Variants in LEPR observed in about 807,000 individuals in gnomAD.
The protein encoded by LEPR is OB receptor.
LEPR carries 56 observed loss-of-function variants against 114.7 expected under a neutral mutation model. The ratio of observed to expected loss-of-function variants is 0.49; its 90% CI spans 0.39 to 0.61. The LOEUF (loss-of-function observed/expected upper bound fraction) is 0.61. Ranked by LOEUF, LEPR falls within the 20% of genes least tolerant of loss-of-function variation. The probability of loss-of-function intolerance (pLI) is 0.00; values close to 1 mark genes in which losing one functional copy is unlikely to be tolerated. For missense variants in LEPR, 1,202 were observed against 1,352.9 expected (o/e 0.89, Z 1.75); for synonymous variants, 443 against 461.4 (o/e 0.96, Z 0.51).
chr1:65,592,919 AG>A, intron 6 of LEPR, 54 bp downstream of exon 6: 1 of 1,591,836 alleles, frequency 6.3e-7, no homozygotes, highest in Admixed American at 1.7e-5. Flanking sequence ...TCATATATAA[AG>A]GTTAAAAATT....
At chr1:65,494,688 T>C (rs141726182) in intron 2 of LEPR, among the ~76,000 whole-genome samples, 14 of 152,286 alleles carry the variant, frequency 9.2e-5, no homozygotes, top group Non-Finnish European at 1.9e-4. Context: ...AAATATTTTA[T>C]AGACTGACTT....
chr1:65,444,651 T>C (rs1208445587), intron 2 of LEPR, among the ~76,000 whole-genome samples: 1 of 151,808 alleles, frequency 6.6e-6, no homozygotes, highest in Non-Finnish European at 1.5e-5. Flanking sequence ...TCAAAAAATA[T>C]CGAAGAGAAG....
chr1:65,525,611 C>G, intron 2 of LEPR: 1 of 985,496 alleles, frequency 1.0e-6, no homozygotes, highest in Non-Finnish European at 1.2e-6. Context: ...TCCCTTCTCC[C>G]CACCCCAGCC....
intron 3 of LEPR, among the ~76,000 whole-genome samples, chr1:65,569,476 G>T (rs1020221070): frequency 1.3e-5 from 2 of 152,082 alleles, no homozygotes; most frequent in African/African-American, 4.8e-5. Flanking sequence ...GGAGACCAAG[G>T]TGGGCGGATC....
At chr1:65,438,398 CAGTT>C (rs1176978770) in intron 2 of LEPR, among the ~76,000 whole-genome samples, 8 of 151,580 alleles carry the variant, frequency 5.3e-5, no homozygotes, top group Non-Finnish European at 1.2e-4. Context: ...AAAAATACAA[CAGTT>C]AGCAGGGCGT....
At chr1:65,546,828 A>G (rs2100692199) in intron 2 of LEPR, among the ~76,000 whole-genome samples, 1 of 152,320 alleles carries the variant, frequency 6.6e-6, no homozygotes, top group South Asian at 2.1e-4. Context: ...TGTCCTGGCC[A>G]GAACTTCCAA....
intron 14 of LEPR, among the ~76,000 whole-genome samples, chr1:65,611,319 G>A (rs745952750): frequency 4.6e-5 from 7 of 152,208 alleles, no homozygotes; most frequent in South Asian, 2.1e-4. Flanking sequence ...TCCACCTCCC[G>A]GGGAATTCAG....
intron 2 of LEPR, among the ~76,000 whole-genome samples, chr1:65,549,585 T>C (rs1259969503): frequency 2.0e-5 from 3 of 152,232 alleles, no homozygotes; most frequent in Admixed American, 2.0e-4. Flanking sequence ...ACTGATACCC[T>C]TTCTTCCAGT....
chr1:65,572,287 GTTGTTTTTTT>G, intron 4 of LEPR, 29 bp from the exon 5 acceptor site: 3 of 975,502 alleles, frequency 3.1e-6, no homozygotes, highest in Non-Finnish European at 4.0e-6. Context: ...ATTTCATGTA[GTTGTTTTTTT>G]TTTTTTTTTT....
chr1:65,437,794 C>G (rs1051902522), intron 2 of LEPR, among the ~76,000 whole-genome samples: 3 of 151,864 alleles, frequency 2.0e-5, no homozygotes, highest in Non-Finnish European at 4.4e-5. Flanking sequence ...CCATGAAAGC[C>G]TCACCCAAAA....
chr1:65,549,259 A>G (rs1463196885), intron 2 of LEPR, among the ~76,000 whole-genome samples: 2 of 150,090 alleles, frequency 1.3e-5, no homozygotes. Context: ...CTTCATTTCA[A>G]CTTTGGTGAA....
chr1:65,488,228 CTT>C (rs763166046), intron 2 of LEPR, among the ~76,000 whole-genome samples: 4,323 of 57,030 alleles, frequency 0.076, 229 homozygotes, highest in East Asian at 0.11. Flanking sequence ...CTCTCTCTCT[CTT>C]TCTTTCTTTC....
chr1:65,427,153 T>C (rs932332121), intron 2 of LEPR, among the ~76,000 whole-genome samples: 7 of 152,172 alleles, frequency 4.6e-5, no homozygotes, highest in African/African-American at 1.7e-4. Flanking sequence ...TCACTTATAT[T>C]TGTTTAGAGC....
At chr1:65,548,963 T>C (rs1158196434) in intron 2 of LEPR, among the ~76,000 whole-genome samples, 4 of 152,216 alleles carry the variant, frequency 2.6e-5, no homozygotes, top group Non-Finnish European at 5.9e-5. Context: ...TTCCTTTCCA[T>C]GTTTAGTGCT....
chr1:65,554,960 G>A (rs1007669826), intron 2 of LEPR, among the ~76,000 whole-genome samples: 2 of 152,088 alleles, frequency 1.3e-5, no homozygotes, highest in African/African-American at 4.8e-5. Flanking sequence ...CCTTGGCTAG[G>A]GGAGGGAGTT....
chr1:65,518,909 CTTTCTTTCTCTCTT>C (rs879788011), intron 2 of LEPR, among the ~76,000 whole-genome samples: 4,322 of 87,630 alleles, frequency 0.049, 100 homozygotes, highest in Middle Eastern at 0.15. Context: ...TTCTTTCTTT[CTTTCTTTCTCTCTT>C]TCTCTGTTTC....
intron 2 of LEPR, among the ~76,000 whole-genome samples, chr1:65,477,135 C>A (rs144661286): frequency 3.5e-4 from 54 of 152,264 alleles, no homozygotes; most frequent in African/African-American, 1.3e-3. Flanking sequence ...TAGGTATCAC[C>A]TTATCAGTGA....
chr1:65,618,121 A>C lies in LEPR; in HGVS notation c.2370A>C (p.Ser790=), dbSNP rs13306528. 2.7e-4 allele frequency: 438 copies of C among 1,609,588 alleles called. 2 individuals are homozygous for C. The East Asian group carries it at 9.7e-3, about 35-fold the overall frequency. Residue 790 remains serine (S), a synonymous_variant, in exon 16 of 20, where the codon TCA becomes TCC. Coordinates refer to ENST00000349533, the MANE Select transcript of LEPR (RefSeq NM_002303.6). ...DGEIKWLRIS[S]SVKKYYIHDH... Reference sequence around the variant, plus strand: ...AAATAAAATGGCTTAGAATCTCTTCATCTGTTAAGAAGTATTATATCCATG... The same window carrying C: ...AAATAAAATGGCTTAGAATCTCTTCCTCTGTTAAGAAGTATTATATCCATG...
chr1:65,620,001 G>A lies in LEPR; in HGVS notation c.2469G>A (p.Lys823=). ...PIFMEGVGKP[K]IINSFTQDDI... ...TTATGGAAGGAGTGGGAAAACCAAA[G>A]ATAATTAATAGTTTCACTCAAGGTA... is the stretch of plus-strand genomic sequence containing the variant. Residue 823 remains lysine, a synonymous_variant, in exon 17 of 20, where the codon AAG becomes AAA. Transcript: ENST00000349533. The A allele has an allele frequency of 6.2e-7, 1 of 1,611,240 alleles. No individual in the cohort carries two copies. The highest frequency in any genetic ancestry group is 1.1e-5 in the South Asian group (1 of 90,992).
Sources: allele counts gnomAD v4.1 joint callset (sites outside exome capture counted in the v4.1 genomes callset), GRCh38; gene constraint gnomAD v4.1.1; transcripts MANE v1.5; gene names NCBI Gene and HGNC (gene_info 2026-07-23, HGNC 2026-07-21).